Variants in NOB1 observed in about 807,000 individuals in gnomAD.
NOB1 encodes RNA-binding protein NOB1.
NOB1 carries 44 observed loss-of-function variants against 44.8 expected under a neutral mutation model. The ratio of observed to expected loss-of-function variants is 0.98; its 90% CI spans 0.77 to 1.26. The LOEUF is 1.26. NOB1 is among the 50% of genes most tolerant of loss of function. The probability of loss-of-function intolerance (pLI) is 0.00; values close to 1 mark genes in which losing one functional copy is unlikely to be tolerated. For missense variants in NOB1, 560 were observed against 544.8 expected (o/e 1.03, Z -0.28); for synonymous variants, 238 against 218.7 (o/e 1.09, Z -0.78).
rs1158556594 is a variant in NOB1, at chr16:69,744,916, T to C, written c.926A>G (p.His309Arg). Residue 309 changes from histidine (H) to arginine (R), a missense_variant, in exon 8 of 9, where the codon CAC (histidine) becomes CGC (arginine). Physicochemically the swap from His to Arg is conservative, Grantham distance 29. Transcript: ENST00000268802. The part of the protein sequence containing the change: ...TVSDDGTLHM[H>R]FSRNPKVLNP... ...CAGCACCTTGGGGTTGCGGGAGAAG[T>C]GCATGTGCAGGGTGCCGTCGTCGCT... 1.2e-6 allele frequency: 2 copies of C among 1,614,036 alleles called. No individual in the cohort carries two copies. The highest frequency in any genetic ancestry group is 8.5e-7 in the Non-Finnish European group (1 of 1,180,006).
chr16:69,748,865 A>G, intron 6 of NOB1, 53 bp downstream of exon 6: 1 of 1,458,530 alleles, frequency 6.9e-7, no homozygotes, highest in Non-Finnish European at 9.3e-7. Flanking sequence ...ACACCTCGGT[A>G]GGACCACTGC....
Position 69,754,637 on chromosome 16 carries a change from G to C in NOB1, c.153C>G (p.Tyr51Ter). The change falls in exon 2 of 9, where the codon TAC becomes TAG. Residue 51 changes from tyrosine (Y) to a stop codon, truncating the protein, a stop_gained. Coordinates refer to ENST00000268802, the MANE Select transcript of NOB1 (RefSeq NM_014062.3). LOFTEE classifies it high-confidence loss of function. Reference protein sequence around the residue: ...ATRRRLAVLPYELRFKEPLPE... With the variant: ...ATRRRLAVLP ...GTAAGGGCTCCTTGAACCGCAGCTCGTAGGGCAGGACAGCGAGCCGCCTGC... is the reference window on the plus strand; with the variant it reads ...GTAAGGGCTCCTTGAACCGCAGCTCCTAGGGCAGGACAGCGAGCCGCCTGC... 1 of 1,614,160 alleles carries C rather than the reference G, an allele frequency of 6.2e-7. No individual in the cohort carries two copies. Among genetic ancestry groups the C allele is most frequent in the Admixed American group, 1.7e-5 (1 of 60,032 alleles).
At position 69,745,035 on chromosome 16, in the gene NOB1, AGAT is replaced by A. The variant is rs1438591649; in HGVS notation, c.825-21_825-19del. 1 of 1,613,886 alleles carries A rather than the reference AGAT, an allele frequency of 6.2e-7. No individual in the cohort carries two copies. Among genetic ancestry groups the A allele is most frequent in the East Asian group, 2.2e-5 (1 of 44,870 alleles). On this transcript the variant is annotated intron_variant, in intron 7 of 8. Coordinates refer to ENST00000268802, the MANE Select transcript of NOB1 (RefSeq NM_014062.3). ...ACGTTGTCCTGGGAGACACAAAAGG[AGAT>A]GATCTGTACCAAAGCCACAGGCAGC... is the stretch of plus-strand genomic sequence containing the variant.
At position 69,742,469 on chromosome 16, in the gene NOB1, C is replaced by A. The variant is rs750935720; in HGVS notation, c.1102G>T (p.Ala368Ser). The A allele has an allele frequency of 5.6e-6, 9 of 1,614,174 alleles. No individual in the cohort carries two copies. The highest frequency in any genetic ancestry group is 1.7e-5 in the Admixed American group (1 of 60,016). Residue 368 changes from alanine (A) to serine (S), a missense_variant, in exon 9 of 9, where the codon GCC (alanine) becomes TCC (serine). By Grantham distance (99) the Ala-to-Ser change is moderately conservative (BLOSUM62 1). Transcript: ENST00000268802. ...TTCTCGACAAAGGGTGACACCCCGG[C>A]GATGTAGTCAGGGGCGAACACGTTG... Reference protein sequence around the residue: ...KTNVFAPDYIAGVSPFVENDI... With the variant: ...KTNVFAPDYISGVSPFVENDI...
intron 3 of NOB1, among the ~76,000 whole-genome samples, chr16:69,750,033 CT>C (rs1376766981): frequency 6.9e-6 from 1 of 145,652 alleles, no homozygotes; most frequent in Non-Finnish European, 1.5e-5. Flanking sequence ...GGGTCTTGCT[CT>C]GTCACCCAGG....
chr16:69,744,801 T>C (rs1597614654), intron 8 of NOB1, 72 bp downstream of exon 8: 1 of 1,532,184 alleles, frequency 6.5e-7, no homozygotes, highest in Middle Eastern at 2.3e-4. Flanking sequence ...ACGACTAGAC[T>C]AGGTTTTCTT....
chr16:69,744,341 G>A (rs188312734), intron 8 of NOB1, among the ~76,000 whole-genome samples: 2 of 152,252 alleles, frequency 1.3e-5, no homozygotes, highest in Admixed American at 1.3e-4. Flanking sequence ...AAAACCCCAG[G>A]AATTGTTTGT....
intron 7 of NOB1, among the ~76,000 whole-genome samples, chr16:69,745,407 A>C (rs2038422113): frequency 6.6e-6 from 1 of 152,198 alleles, no homozygotes; most frequent in Non-Finnish European, 1.5e-5. Flanking sequence ...CAGCTGGTCC[A>C]TGGCAGATAA....
chr16:69,747,666 C>A (rs2038444514), intron 7 of NOB1, among the ~76,000 whole-genome samples: 3 of 152,074 alleles, frequency 2.0e-5, no homozygotes, highest in African/African-American at 7.2e-5. Context: ...TCGGTATGTA[C>A]CGCTAAAGAA....
chr16:69,748,957 G>T lies in NOB1; in HGVS notation c.687C>A (p.Asp229Glu). The T allele has an allele frequency of 6.2e-7, 1 of 1,613,130 alleles. No homozygotes were observed. The highest frequency in any genetic ancestry group is 1.7e-4 in the Middle Eastern group (1 of 6,038). Residue 229 changes from aspartate (D) to glutamate (E), a missense_variant, in exon 6 of 9, where the codon GAC becomes GAA. Physicochemically the swap from Asp to Glu is conservative, Grantham distance 45. Coordinates refer to ENST00000268802, the MANE Select transcript of NOB1 (RefSeq NM_014062.3). ...QELEQCDVPE[D>E]VRVGCLTTDF... Reference sequence around the variant, plus strand: ...CTGTGGTCAGGCAGCCAACCCGCACGTCCTCGGGGACGTCACACTGCTCCA... The same window carrying T: ...CTGTGGTCAGGCAGCCAACCCGCACTTCCTCGGGGACGTCACACTGCTCCA...
Position 69,744,933 on chromosome 16 carries a change from G to A in NOB1, c.909C>T (p.Asp303=), listed in dbSNP as rs774997371. The change falls in exon 8 of 9, where the codon GAC becomes GAT. Residue 303 remains aspartate, a synonymous_variant. Coordinates refer to ENST00000268802, the MANE Select transcript of NOB1 (RefSeq NM_014062.3). Reference sequence around the variant, plus strand: ...GGGAGAAGTGCATGTGCAGGGTGCCGTCGTCGCTGACGGTCACGGACACTT... The same window carrying A: ...GGGAGAAGTGCATGTGCAGGGTGCCATCGTCGCTGACGGTCACGGACACTT... ...LKKVSVTVSD[D]GTLHMHFSRN... The A allele has an allele frequency of 4.8e-5, 77 of 1,614,164 alleles. No individual in the cohort carries two copies. In the Admixed American group the frequency reaches 1.0e-3, roughly 22 times the overall value.
chr16:69,753,442 T>TA (rs1250606648), intron 2 of NOB1, among the ~76,000 whole-genome samples: 1 of 152,210 alleles, frequency 6.6e-6, no homozygotes, highest in African/African-American at 2.4e-5. Flanking sequence ...GAACACTAGG[T>TA]ATATTGCTCT....
Position 69,744,821 on chromosome 16 carries a change from C to T in NOB1, c.969+52G>A, listed in dbSNP as rs1567641935. ...TAGACTAGGTTTTCTTTTGTCCTTTCTGTTCTTTTTCACTCTGGTGTTGGG... is the reference window on the plus strand; with the variant it reads ...TAGACTAGGTTTTCTTTTGTCCTTTTTGTTCTTTTTCACTCTGGTGTTGGG... On this transcript the variant is annotated intron_variant, in intron 8 of 8. Coordinates refer to ENST00000268802, the MANE Select transcript of NOB1 (RefSeq NM_014062.3). The T allele has an allele frequency of 3.2e-6, 5 of 1,586,984 alleles. No homozygotes were observed. The South Asian group carries it at 4.5e-5, about 14-fold the overall frequency.
chr16:69,744,442 G>C (rs751748656), intron 8 of NOB1, among the ~76,000 whole-genome samples: 1 of 152,126 alleles, frequency 6.6e-6, no homozygotes, highest in African/African-American at 2.4e-5. Context: ...TTTACTGCTG[G>C]GAGAAGCCAG....
chr16:69,744,904 T>C lies in NOB1; in HGVS notation c.938A>G (p.Asn313Ser). ...GCCGCGGGGGTTCAGCACCTTGGGG[T>C]TGCGGGAGAAGTGCATGTGCAGGGT... Reference protein sequence around the residue: ...DGTLHMHFSRNPKVLNPRGLR... With the variant: ...DGTLHMHFSRSPKVLNPRGLR... Residue 313 changes from asparagine to serine, a missense_variant, in exon 8 of 9, where the codon AAC becomes AGC. Asn to Ser is a conservative substitution (Grantham distance 46, BLOSUM62 1). Coordinates refer to ENST00000268802, the MANE Select transcript of NOB1 (RefSeq NM_014062.3). 8 of 1,613,770 alleles carry C rather than the reference T, an allele frequency of 5.0e-6. No individual in the cohort carries two copies. Among genetic ancestry groups the C allele is most frequent in the Non-Finnish European group, 6.8e-6 (8 of 1,179,978 alleles).
At chr16:69,752,024 C>T (rs1004238962) in intron 3 of NOB1, among the ~76,000 whole-genome samples, 9 of 151,516 alleles carry the variant, frequency 5.9e-5, no homozygotes, top group African/African-American at 1.9e-4. Flanking sequence ...GAGATCACGC[C>T]GTTGCACTCC....
At chr16:69,749,711 C>T in intron 3 of NOB1, 81 bp from the exon 4 acceptor site, 1 of 1,039,368 alleles carries the variant, frequency 9.6e-7, no homozygotes, top group East Asian at 2.6e-5. Flanking sequence ...GGCACGATGG[C>T]TCATGCCTGT....
At chr16:69,742,622 G>C in intron 8 of NOB1, 21 bp from the exon 9 acceptor site, 2 of 1,611,468 alleles carry the variant, frequency 1.2e-6, no homozygotes, top group East Asian at 4.5e-5. Flanking sequence ...GACAAGGAAG[G>C]GCCATTAGAA....
chr16:69,743,366 A>T (rs1327161692), intron 8 of NOB1, among the ~76,000 whole-genome samples: 1 of 152,240 alleles, frequency 6.6e-6, no homozygotes, highest in Non-Finnish European at 1.5e-5. Flanking sequence ...AACGAGAAAT[A>T]ATATATACAA....
Sources: allele counts gnomAD v4.1 joint callset (sites outside exome capture counted in the v4.1 genomes callset), GRCh38; gene constraint gnomAD v4.1.1; transcripts MANE v1.5; gene names NCBI Gene and HGNC (gene_info 2026-07-23, HGNC 2026-07-21).